ADAMTSL3: variants seen among roughly 807,000 people sequenced by gnomAD.
ADAMTSL3 encodes ADAMTS-like protein 3.
A neutral mutation model predicts 201.7 loss-of-function variants in ADAMTSL3; 128 were observed. The ratio of observed to expected loss-of-function variants is 0.63; its 90% CI spans 0.55 to 0.73. The LOEUF is 0.73. ADAMTSL3 is among the 30% of genes least tolerant of loss of function. The probability of loss-of-function intolerance (pLI) is 0.00; values close to 1 mark genes in which losing one functional copy is unlikely to be tolerated. For missense variants in ADAMTSL3, 1,990 were observed against 2,119.6 expected (o/e 0.94, Z 1.20); for synonymous variants, 738 against 748.4 (o/e 0.99, Z 0.23).
intron 2 of ADAMTSL3, among the ~76,000 whole-genome samples, chr15:83,689,034 G>C (rs1420581986): frequency 6.6e-6 from 1 of 151,994 alleles, no homozygotes; most frequent in African/African-American, 2.4e-5. Flanking sequence ...TGTTGCCCAG[G>C]CTGGTCTCGA....
intron 6 of ADAMTSL3, among the ~76,000 whole-genome samples, chr15:83,826,402 C>G (rs1267173914): frequency 1.3e-5 from 2 of 151,262 alleles, no homozygotes; most frequent in South Asian, 4.2e-4. Context: ...GGGTTATAGA[C>G]ATGAGCCACT....
chr15:83,981,258 C>T (rs1010122788), intron 20 of ADAMTSL3, among the ~76,000 whole-genome samples: 5 of 152,218 alleles, frequency 3.3e-5, no homozygotes, highest in Non-Finnish European at 7.3e-5. Context: ...AAATACTTCT[C>T]TTGGGGACAG....
intron 21 of ADAMTSL3, 138 bp from the exon 22 acceptor site, chr15:83,988,553 T>G: frequency 1.6e-6 from 1 of 634,352 alleles, no homozygotes; most frequent in Non-Finnish European, 2.4e-6. Context: ...ATAGGCAGGA[T>G]GCTGGACAAA....
At chr15:84,037,080 A>G in intron 29 of ADAMTSL3, 93 bp downstream of exon 29, 3 of 1,328,656 alleles carry the variant, frequency 2.3e-6, no homozygotes, top group Non-Finnish European at 2.1e-6. Flanking sequence ...CCTGCTAGTG[A>G]TTACCTCATC....
chr15:83,972,086 C>A (rs933672450), intron 20 of ADAMTSL3, among the ~76,000 whole-genome samples: 1 of 151,858 alleles, frequency 6.6e-6, no homozygotes, highest in African/African-American at 2.4e-5. Flanking sequence ...CATTTAGTCC[C>A]CTGAACAACA....
At chr15:83,805,099 T>A (rs543086174) in intron 5 of ADAMTSL3, among the ~76,000 whole-genome samples, 1 of 152,284 alleles carries the variant, frequency 6.6e-6, no homozygotes, top group South Asian at 2.1e-4. Flanking sequence ...GAAGGTCACA[T>A]AGGAAGAGTA....
rs144011800 is a variant in ADAMTSL3 at position 83,740,413 on chromosome 15, G to A, written c.190-33110G>A. ...GGAATTTAAAAATACCTTTTTATGG[G>A]TTGATGAAGAATCCAAATTAAAATT... On this transcript the variant is annotated intron_variant, in intron 3 of 29. Transcript: ENST00000286744. Among the ~76,000 whole-genome samples, 420 of 152,236 alleles carry A rather than the reference G, an allele frequency of 2.8e-3. 4 individuals carry two copies. Among genetic ancestry groups the A allele is most frequent in the African/African-American group, 9.0e-3 (374 of 41,548 alleles).
chr15:84,005,166 A>G (rs886086358), intron 23 of ADAMTSL3, among the ~76,000 whole-genome samples: 2 of 152,220 alleles, frequency 1.3e-5, no homozygotes, highest in African/African-American at 4.8e-5. Flanking sequence ...TGTCACCCCA[A>G]GACACCAGCA....
rs773594221 is a variant in ADAMTSL3, at chr15:83,891,378, C to G, written c.1261C>G (p.Arg421Gly). 5.0e-6 allele frequency: 8 copies of G among 1,612,134 alleles called. No homozygotes were observed. Among genetic ancestry groups the G allele is most frequent in the Non-Finnish European group, 6.8e-6 (8 of 1,178,408 alleles). Residue 421 changes from arginine to glycine, a missense_variant and splice_region_variant, in exon 12 of 30, where the codon CGC (arginine) becomes GGC (glycine). Coordinates refer to ENST00000286744, the MANE Select transcript of ADAMTSL3 (RefSeq NM_207517.3). Reference sequence around the variant, plus strand: ...CTATGACCACTTCCAACCTCTTCCTCGGTGAGTTATATGTTTCCTTTTCCT... The same window carrying G: ...CTATGACCACTTCCAACCTCTTCCTGGGTGAGTTATATGTTTCCTTTTCCT... The part of the protein sequence containing the change: ...MPYDHFQPLP[R>G]WEHNPWTACS...
chr15:83,973,442 C>G (rs1222825489), intron 20 of ADAMTSL3, among the ~76,000 whole-genome samples: 1 of 152,140 alleles, frequency 6.6e-6, no homozygotes, highest in Admixed American at 6.5e-5. Context: ...CAGCTTCAAC[C>G]CTGGTATTAC....
At chr15:83,848,217 A>G (rs2064542161) in intron 7 of ADAMTSL3, among the ~76,000 whole-genome samples, 1 of 152,220 alleles carries the variant, frequency 6.6e-6, no homozygotes, top group Non-Finnish European at 1.5e-5. Flanking sequence ...GAAAGTGGGG[A>G]TGAGGTTGTC....
chr15:84,013,998 T>G (rs987845351), intron 23 of ADAMTSL3, among the ~76,000 whole-genome samples: 1 of 152,260 alleles, frequency 6.6e-6, no homozygotes, highest in Non-Finnish European at 1.5e-5. Context: ...TTTTGCTCCC[T>G]GAAGTTATCC....
At chr15:83,798,104 A>C (rs1222689577) in intron 4 of ADAMTSL3, among the ~76,000 whole-genome samples, 1 of 152,156 alleles carries the variant, frequency 6.6e-6, no homozygotes, top group South Asian at 2.1e-4. Flanking sequence ...CAGAGAAAAA[A>C]AAACTGCAGA....
At chr15:83,669,391 G>C (rs1372186269) in intron 2 of ADAMTSL3, among the ~76,000 whole-genome samples, 2 of 131,118 alleles carry the variant, frequency 1.5e-5, no homozygotes, top group Non-Finnish European at 3.0e-5. Context: ...TGATCTGCCC[G>C]CATCGGCCTC....
chr15:83,675,303 T>C (rs1233645443), intron 2 of ADAMTSL3, among the ~76,000 whole-genome samples: 1 of 152,120 alleles, frequency 6.6e-6, no homozygotes, highest in Non-Finnish European at 1.5e-5. Flanking sequence ...GTAAGGTCCA[T>C]GGAAGAATTT....
intron 3 of ADAMTSL3, among the ~76,000 whole-genome samples, chr15:83,744,146 G>A (rs369588656): frequency 6.8e-4 from 103 of 152,084 alleles, no homozygotes; most frequent in Admixed American, 1.1e-3. Context: ...CACTGCGCCC[G>A]GCCATATCTT....
intron 9 of ADAMTSL3, among the ~76,000 whole-genome samples, chr15:83,880,058 C>T (rs1279191292): frequency 1.3e-5 from 2 of 152,008 alleles, no homozygotes; most frequent in South Asian, 2.1e-4. Flanking sequence ...TCTTCATCTG[C>T]TTTTAAGTGT....
chr15:83,856,143 A>T (rs1304971206), intron 7 of ADAMTSL3, among the ~76,000 whole-genome samples: 1 of 151,322 alleles, frequency 6.6e-6, no homozygotes, highest in African/African-American at 2.4e-5. Flanking sequence ...ATGCTGTAGT[A>T]TGCATCATTT....
chr15:83,728,418 C>T (rs768307802), intron 3 of ADAMTSL3, among the ~76,000 whole-genome samples: 6 of 151,246 alleles, frequency 4.0e-5, no homozygotes, highest in South Asian at 2.1e-4. Context: ...GTCTTCTCCT[C>T]GTTCCCCCCG....
Sources: allele counts gnomAD v4.1 joint callset (sites outside exome capture counted in the v4.1 genomes callset), GRCh38; gene constraint gnomAD v4.1.1; transcripts MANE v1.5; gene names NCBI Gene and HGNC (gene_info 2026-07-23, HGNC 2026-07-21).